Variants in VWDE observed in about 807,000 individuals in gnomAD.
The protein encoded by VWDE is von Willebrand factor D and EGF domain-containing protein.
In VWDE, 207 loss-of-function variants were observed where a neutral mutation model predicts 178.4. The observed-to-expected ratio is 1.16, with a 90% CI of 1.04 to 1.30. VWDE has a LOEUF of 1.30. Ranked by LOEUF, VWDE falls within the 50% of genes most tolerant of loss-of-function variation. VWDE has a pLI of 0.00. For missense variants in VWDE, 2,287 were observed against 1,901.3 expected (o/e 1.20, Z -3.77); for synonymous variants, 738 against 651.4 (o/e 1.13, Z -2.02).
Position 12,331,150 on chromosome 7 carries a change from A to C in VWDE, c.*33T>G, listed in dbSNP as rs1194424648. 6.6e-7 allele frequency: 1 copy of C among 1,521,062 alleles called. No individual in the cohort carries two copies. The highest frequency in any genetic ancestry group is 2.5e-5 in the East Asian group (1 of 40,612). The allele number at this position is 1,521,062 out of a possible 1,614,324, so 94.2% of individuals were successfully genotyped here. A position where few individuals can be genotyped will look rare whatever the true frequency, so the allele number is the denominator to read the frequency against. On this transcript the variant is annotated 3_prime_UTR_variant, in exon 29 of 29. Transcript: ENST00000275358. ...TGAACAAAATATTTCCATTCTTAAG[A>C]TACAGGCTTGTAATTCATATACTTG...
intron 4 of VWDE, among the ~76,000 whole-genome samples, chr7:12,382,418 T>G (rs780212443): frequency 6.6e-6 from 1 of 151,534 alleles, no homozygotes; most frequent in African/African-American, 2.4e-5. Context: ...GACCTCCACA[T>G]ACAGTAATAG....
chr7:12,351,828 G>A (rs6460933), intron 18 of VWDE, 115 bp from the exon 19 acceptor site: 90,832 of 855,552 alleles, frequency 0.11, 5,433 homozygotes, highest in East Asian at 0.21. Context: ...AAATTAGACT[G>A]AATAACTCAC....
chr7:12,358,420 C>A (rs1782390978), intron 16 of VWDE, among the ~76,000 whole-genome samples: 1 of 151,268 alleles, frequency 6.6e-6, no homozygotes, highest in Non-Finnish European at 1.5e-5. Context: ...AGGCAGAGTT[C>A]CCTTTACACT....
chr7:12,359,614 G>A lies in VWDE; in HGVS notation c.3238C>T (p.Pro1080Ser). 6.5e-7 allele frequency: 1 copy of A among 1,549,886 alleles called. No homozygotes were observed. Among genetic ancestry groups the A allele is most frequent in the Non-Finnish European group, 8.7e-7 (1 of 1,145,988 alleles). ...NPTSPCLICR[P>S]KISRFTWSFL... ...GACCAAGTAAATCTTGAAATTTTGG[G>A]TCTACAAATCAAACAAGGGCTGGTT... is the stretch of plus-strand genomic sequence containing the variant. The change falls in exon 16 of 29, where the codon CCC becomes TCC. Residue 1080 changes from proline to serine, a missense_variant. Physicochemically the swap from Pro to Ser is moderately conservative, Grantham distance 74. Coordinates refer to ENST00000275358, the MANE Select transcript of VWDE (RefSeq NM_001135924.3).
Position 12,370,229 on chromosome 7 carries a change from T to C in VWDE, c.2077A>G (p.Asn693Asp), listed in dbSNP as rs1463214493. The change falls in exon 12 of 29, where the codon AAT becomes GAT. Residue 693 changes from asparagine to aspartate, a missense_variant. Asn to Asp is a conservative substitution (Grantham distance 23). Transcript: ENST00000275358. ...TGTTTTTTTTCTTGCAGAAATAAAT[T>C]TAGATTATATTCTTCTGGAGATGTA... ...KHTSPEEYNLNLFLQEKKHIN... is the reference protein window; with the variant it reads ...KHTSPEEYNLDLFLQEKKHIN... 4 of 1,551,056 alleles carry C rather than the reference T, an allele frequency of 2.6e-6. No homozygotes were observed. Among genetic ancestry groups the C allele is most frequent in the African/African-American group, 1.4e-5 (1 of 72,960 alleles).
intron 5 of VWDE, among the ~76,000 whole-genome samples, chr7:12,380,206 T>C (rs1286456798): frequency 1.3e-5 from 2 of 151,436 alleles, no homozygotes; most frequent in African/African-American, 4.8e-5. Context: ...GAGGGACATA[T>C]ATGTGTAAGA....
At chr7:12,344,117 T>C (rs1781472546) in intron 21 of VWDE, 78 bp downstream of exon 21, 1 of 1,210,654 alleles carries the variant, frequency 8.3e-7, no homozygotes, top group East Asian at 2.6e-5. Flanking sequence ...TAAAACTGAA[T>C]TGTCTTGTAA....
chr7:12,336,454 T>C lies in VWDE; in HGVS notation c.4559-218A>G, dbSNP rs532814042. Among the ~76,000 whole-genome samples, 14 of 152,382 alleles carry C rather than the reference T, an allele frequency of 9.2e-5. No homozygotes were observed. The East Asian group carries it at 1.9e-3, about 21-fold the overall frequency. ...GTTGCAAAATGTTCCATTGTTTGAA[T>C]GCGTCGTGATTTAACTTTTCTCCAG... On this transcript the variant is annotated intron_variant, in intron 26 of 28. Coordinates refer to ENST00000275358, the MANE Select transcript of VWDE (RefSeq NM_001135924.3).
intron 19 of VWDE, 25 bp downstream of exon 19, chr7:12,351,548 G>C: frequency 6.6e-7 from 1 of 1,526,626 alleles, no homozygotes; most frequent in Non-Finnish European, 8.8e-7. Flanking sequence ...CTTGTCATTA[G>C]ATTTTAACTA....
intron 1 of VWDE, among the ~76,000 whole-genome samples, chr7:12,396,375 G>A (rs1371454884): frequency 6.6e-6 from 1 of 152,036 alleles, no homozygotes; most frequent in Non-Finnish European, 1.5e-5. Flanking sequence ...CTTGGTGACA[G>A]GTACTTCATA....
intron 7 of VWDE, among the ~76,000 whole-genome samples, chr7:12,376,714 A>C (rs1783547085): frequency 6.6e-6 from 1 of 152,096 alleles, no homozygotes; most frequent in Admixed American, 6.6e-5. Flanking sequence ...GGTATAATGT[A>C]ATATGTCTAG....
At chr7:12,339,687 T>C (rs935051665) in intron 24 of VWDE, among the ~76,000 whole-genome samples, 5 of 152,274 alleles carry the variant, frequency 3.3e-5, no homozygotes, top group African/African-American at 1.2e-4. Flanking sequence ...AAATCTACTC[T>C]ACATTTTTAA....
At chr7:12,403,128 A>G (rs1440893347) in intron 1 of VWDE, among the ~76,000 whole-genome samples, 1 of 152,222 alleles carries the variant, frequency 6.6e-6, no homozygotes, top group South Asian at 2.1e-4. Context: ...CAGTGCCAAA[A>G]CTGATTCTAA....
chr7:12,337,035 C>G lies in VWDE; in HGVS notation c.4511G>C (p.Ser1504Thr), dbSNP rs1012671584. The G allele has an allele frequency of 6.4e-7, 1 of 1,551,544 alleles. No homozygotes were observed. Among genetic ancestry groups the G allele is most frequent in the Middle Eastern group, 1.7e-4 (1 of 5,992 alleles). The change falls in exon 26 of 29, where the codon AGC (serine) becomes ACC (threonine). Residue 1504 changes from serine to threonine, a missense_variant. Transcript: ENST00000275358. Reference protein sequence around the residue: ...CMNGGKCVGPSTCSCPSGWSG... With the variant: ...CMNGGKCVGPTTCSCPSGWSG... ...CCAACCAGAAGGACAAGAGCAAGTG[C>G]TTGGTCCCACACATTTTCCTCCATT...
chr7:12,373,760 A>G (rs1451302413), intron 9 of VWDE, among the ~76,000 whole-genome samples: 1 of 152,126 alleles, frequency 6.6e-6, no homozygotes, highest in East Asian at 1.9e-4. Context: ...CCCAGTACTT[A>G]GAACTTGGCT....
At position 12,342,130 on chromosome 7, in the gene VWDE, T is replaced by C. The variant is rs756856589; in HGVS notation, c.4199A>G (p.Asn1400Ser). ...ATCTGGTGTAAGACACTGGCCTCCA[T>C]TTTCACAGTGCCTGTTACAAACCAC... ...ETMVCNRHCE[N>S]GGQCLTPDIC... The change falls in exon 23 of 29, where the codon AAT becomes AGT. Residue 1400 changes from asparagine (N) to serine (S), a missense_variant. Physicochemically the swap from Asn to Ser is conservative, Grantham distance 46. Coordinates refer to ENST00000275358, the MANE Select transcript of VWDE (RefSeq NM_001135924.3). The C allele has an allele frequency of 1.4e-5, 22 of 1,551,344 alleles. No individual in the cohort carries two copies. Among genetic ancestry groups the C allele is most frequent in the Non-Finnish European group, 1.9e-5 (22 of 1,146,830 alleles).
chr7:12,396,165 CT>C (rs1244864600), intron 1 of VWDE, among the ~76,000 whole-genome samples: 1 of 151,900 alleles, frequency 6.6e-6, no homozygotes, highest in Admixed American at 6.6e-5. Flanking sequence ...AAATAATTTC[CT>C]TTTTTTATTT....
intron 24 of VWDE, among the ~76,000 whole-genome samples, chr7:12,337,906 G>T (rs933337034): frequency 6.6e-6 from 1 of 152,000 alleles, no homozygotes; most frequent in Non-Finnish European, 1.5e-5. Flanking sequence ...AATTTTATGA[G>T]ATGGTTATGA....
chr7:12,375,383 GC>G (rs1322467154), intron 7 of VWDE, among the ~76,000 whole-genome samples, 156 bp from the exon 8 acceptor site: 4 of 151,868 alleles, frequency 2.6e-5, no homozygotes, highest in African/African-American at 9.7e-5. Flanking sequence ...TCTAAATTAA[GC>G]CAAAGCTATT....
Sources: gnomAD v4.1 joint callset for allele counts (sites outside exome capture counted in the v4.1 genomes callset) on GRCh38, gnomAD v4.1.1 for gene constraint, MANE v1.5 for transcripts, NCBI Gene and HGNC (gene_info 2026-07-23, HGNC 2026-07-21) for gene names.